LRRK2: variants seen among roughly 807,000 people sequenced by gnomAD.
LRRK2 encodes the protein leucine-rich repeat serine/threonine-protein kinase 2.
Under a neutral mutation model 302.6 loss-of-function variants are expected in LRRK2, and 203 were observed. The observed-to-expected ratio is 0.67, with a 90% CI of 0.60 to 0.75. LRRK2 has a LOEUF of 0.75. LRRK2 is among the 30% of genes least tolerant of loss of function. The pLI is 0.00. For synonymous variants in LRRK2, 1,066 were observed against 1,031.9 expected, an observed-to-expected ratio of 1.03 and a Z score of -0.63; for missense variants, 2,830 against 2,951.0, an observed-to-expected ratio of 0.96 and a Z score of 0.95.
intron 45 of LRRK2, among the ~76,000 whole-genome samples, chr12:40,355,745 T>C (rs1012022299): frequency 6.6e-6 from 1 of 151,984 alleles, no homozygotes; most frequent in Non-Finnish European, 1.5e-5. Context: ...GATTTCACCA[T>C]GTTAGCCAGA....
In LRRK2 at chr12:40,294,916, T is replaced by C; in HGVS notation, c.2878+2T>C. The C allele has an allele frequency of 6.7e-7, 1 of 1,502,588 alleles. No homozygotes were observed. The highest frequency in any genetic ancestry group is 9.2e-7 in the Non-Finnish European group (1 of 1,083,366). 93.1% of individuals were successfully genotyped at this position (1,502,588 alleles called of 1,614,324 possible). On this transcript the variant is annotated splice_donor_variant, in intron 22 of 50. Transcript: ENST00000298910. LOFTEE classifies it high-confidence loss of function. ...TATTATCTTCAGATGATTCACTCAGTAAGTATTTGGATGTAATCATAAGTA... is the reference window on the plus strand; with the variant it reads ...TATTATCTTCAGATGATTCACTCAGCAAGTATTTGGATGTAATCATAAGTA...
rs1401321629 is a variant in LRRK2 at position 40,340,456 on chromosome 12, T to C, written c.6109+2T>C. 1 of 1,613,758 alleles carries C rather than the reference T, an allele frequency of 6.2e-7. No individual in the cohort carries two copies. The highest frequency in any genetic ancestry group is 8.5e-7 in the Non-Finnish European group (1 of 1,179,746). ...TAAAAACATCAGAGGGCACACCAGG[T>C]AGGTGATCAGGTCTGTCTCATAATT... On this transcript the variant is annotated splice_donor_variant, in intron 41 of 50. Coordinates refer to ENST00000298910, the MANE Select transcript of LRRK2 (RefSeq NM_198578.4). LOFTEE classifies it high-confidence loss of function.
At chr12:40,338,682 C>A (rs1592309401) in intron 40 of LRRK2, among the ~76,000 whole-genome samples, 1 of 152,286 alleles carries the variant, frequency 6.6e-6, no homozygotes, top group East Asian at 1.9e-4. Context: ...CTCTTTGCCA[C>A]TGACATTATT....
In LRRK2 at chr12:40,298,431, G is replaced by A; in HGVS notation, c.3285G>A (p.Leu1095=). The A allele has an allele frequency of 6.2e-7, 1 of 1,613,926 alleles. No homozygotes were observed. Among genetic ancestry groups the A allele is most frequent in the East Asian group, 2.2e-5 (1 of 44,838 alleles). ...AGTTTAACCTGTCATATAACCAGCT[G>A]TCTTTTGTACCTGAGAACCTCACTG... ...LKQFNLSYNQ[L]SFVPENLTDV... Residue 1095 remains leucine (L), a synonymous_variant, in exon 24 of 51, where the codon CTG becomes CTA. Coordinates refer to ENST00000298910, the MANE Select transcript of LRRK2 (RefSeq NM_198578.4).
chr12:40,276,940 G>A (rs1200195241), intron 16 of LRRK2, among the ~76,000 whole-genome samples: 1 of 152,040 alleles, frequency 6.6e-6, no homozygotes, highest in Admixed American at 6.6e-5. Context: ...CCATCCTCCT[G>A]GGTGGGCTCA....
chr12:40,352,198 T>C (rs984585932), intron 44 of LRRK2, among the ~76,000 whole-genome samples: 7 of 151,742 alleles, frequency 4.6e-5, no homozygotes, highest in Admixed American at 1.3e-4. Context: ...AGTGTAACTT[T>C]CAAGGCATTT....
chr12:40,348,569 A>G (rs1946263746), intron 43 of LRRK2, 60 bp downstream of exon 43: 5 of 1,025,360 alleles, frequency 4.9e-6, no homozygotes, highest in Non-Finnish European at 7.5e-6. Context: ...ATGCATATAT[A>G]TATAATCTTC....
chr12:40,309,051 G>C (rs1944937878), intron 29 of LRRK2, 55 bp from the exon 30 acceptor site: 1 of 1,588,890 alleles, frequency 6.3e-7, no homozygotes, highest in Admixed American at 1.7e-5. Flanking sequence ...TTTAAAAAAG[G>C]ATTCTTGCCT....
At chr12:40,231,037 C>T (rs7974320) in intron 2 of LRRK2, among the ~76,000 whole-genome samples, 1,742 of 152,174 alleles carry the variant, frequency 0.011, 44 homozygotes, top group African/African-American at 0.037. Context: ...AGAGCTCTTT[C>T]TCTTTTTCTC....
chr12:40,272,037 G>A (rs1204810949), intron 14 of LRRK2, among the ~76,000 whole-genome samples: 1 of 152,160 alleles, frequency 6.6e-6, no homozygotes, highest in Non-Finnish European at 1.5e-5. Flanking sequence ...TGCTCTTTGA[G>A]CTTGGGAGTA....
rs1313707089 is a variant in LRRK2 at position 40,295,433 on chromosome 12, C to T, written c.2885C>T (p.Ser962Leu). ...ILSSDDSLRS[S>L]KLQSHMRHSD... ...TGTTTGTTTTTGACAAAAGGGTCAT[C>T]AAAACTTCAATCCCATATGAGGCAT... is the stretch of plus-strand genomic sequence containing the variant. Residue 962 changes from serine (S) to leucine (L), a missense_variant, in exon 23 of 51, where the codon TCA becomes TTA. Physicochemically the swap from Ser to Leu is moderately radical, Grantham distance 145. Coordinates refer to ENST00000298910, the MANE Select transcript of LRRK2 (RefSeq NM_198578.4). 3.7e-6 allele frequency: 6 copies of T among 1,612,160 alleles called. No homozygotes were observed. Among genetic ancestry groups the T allele is most frequent in the Non-Finnish European group, 5.1e-6 (6 of 1,179,846 alleles).
chr12:40,230,813 AT>A (rs200079658), intron 2 of LRRK2, among the ~76,000 whole-genome samples: 5 of 151,094 alleles, frequency 3.3e-5, no homozygotes, highest in South Asian at 2.1e-4. Context: ...AGGACTTTCA[AT>A]TTTTTTTTCA....
intron 6 of LRRK2, among the ~76,000 whole-genome samples, chr12:40,241,849 G>C (rs1312551527): frequency 6.6e-6 from 1 of 152,090 alleles, no homozygotes. Flanking sequence ...AAATCACAAT[G>C]TTTTCTTATC....
intron 14 of LRRK2, among the ~76,000 whole-genome samples, chr12:40,264,282 T>G (rs939318190): frequency 6.6e-6 from 1 of 152,138 alleles, no homozygotes; most frequent in African/African-American, 2.4e-5. Context: ...TCTTTTCTGG[T>G]CTCATAGTAT....
At chr12:40,237,578 AG>A (rs1941522778) in intron 4 of LRRK2, among the ~76,000 whole-genome samples, 1 of 152,274 alleles carries the variant, frequency 6.6e-6, no homozygotes, top group African/African-American at 2.4e-5. Flanking sequence ...TTGGGTAGCT[AG>A]TGGATTATGG....
Position 40,364,851 on chromosome 12 carries a change from G to T in LRRK2, c.7191G>T (p.Met2397Ile). ...TACTTTATGGTTCTAGGGAGGTAAT[G>T]GTAAAAGAAAACAAGGAATCAAAAC... ...IDCVHFLREV[M>I]VKENKESKHK... The change falls in exon 49 of 51, where the codon ATG (methionine) becomes ATT (isoleucine). Residue 2397 changes from methionine to isoleucine, a missense_variant. This residue lies in a region of LRRK2 where 456 missense variants were observed against 456.3 expected (regional missense o/e 1.00). Transcript: ENST00000298910. The T allele has an allele frequency of 6.2e-7, 1 of 1,610,304 alleles. No homozygotes were observed. The highest frequency in any genetic ancestry group is 1.7e-5 in the Admixed American group (1 of 59,718).
At chr12:40,232,809 T>C (rs1254470652) in intron 3 of LRRK2, 1 of 160,412 alleles carries the variant, frequency 6.2e-6, no homozygotes, top group Non-Finnish European at 1.4e-5. Context: ...CTTTAAATAG[T>C]ACATTTATAT....
chr12:40,356,938 G>A (rs533811279), intron 46 of LRRK2, among the ~76,000 whole-genome samples: 65 of 152,256 alleles, frequency 4.3e-4, no homozygotes, highest in African/African-American at 1.5e-3. Flanking sequence ...TTATTTCTCT[G>A]TGCTGAGAAC....
Position 40,335,018 on chromosome 12 carries a change from G to A in LRRK2, c.5809G>A (p.Ala1937Thr), listed in dbSNP as rs1241455686. 1 of 1,613,972 alleles carries A rather than the reference G, an allele frequency of 6.2e-7. No homozygotes were observed. The highest frequency in any genetic ancestry group is 2.2e-5 in the East Asian group (1 of 44,892). The change falls in exon 40 of 51, where the codon GCA becomes ACA. Residue 1937 changes from alanine to threonine, a missense_variant. Ala to Thr is a moderately conservative substitution (Grantham distance 58, BLOSUM62 0). This residue lies in a region of LRRK2 where 253 missense variants were observed against 346.7 expected (regional missense o/e 0.73). Coordinates refer to ENST00000298910, the MANE Select transcript of LRRK2 (RefSeq NM_198578.4). ...LHHPSLISLL[A>T]AGIRPRMLVM... ...CCACCCCAGTTTGATATCTTTGCTG[G>A]CAGCTGGGATTCGTCCCCGGATGTT... is the stretch of plus-strand genomic sequence containing the variant.
Sources: gnomAD v4.1 joint callset for allele counts (sites outside exome capture counted in the v4.1 genomes callset) on GRCh38, gnomAD v4.1.1 for gene constraint, gnomAD v4.1.1 regional missense constraint, MANE v1.5 for transcripts, NCBI Gene and HGNC (gene_info 2026-07-23, HGNC 2026-07-21) for gene names.